The following CCSER1 variants were observed in gnomAD, a reference collection of about 807,000 sequenced individuals.
CCSER1 encodes coiled-coil serine rich protein 1.
A neutral mutation model predicts 82.0 loss-of-function variants in CCSER1; 41 were observed. The observed-to-expected ratio is 0.50, with a 90% confidence interval of 0.39 to 0.65. The LOEUF is 0.65. Ranked by LOEUF, CCSER1 falls within the 30% of genes least tolerant of loss-of-function variation. The probability of loss-of-function intolerance (pLI) is 0.00; values close to 1 mark genes in which losing one functional copy is unlikely to be tolerated. For missense variants in CCSER1, 1,119 were observed against 1,064.2 expected, an observed-to-expected ratio of 1.05 and a Z score of -0.72; for synonymous variants, 414 against 383.9, an observed-to-expected ratio of 1.08 and a Z score of -0.92.
At chr4:90,734,168 C>T (rs1420902339) in intron 7 of CCSER1, among the ~76,000 whole-genome samples, 1 of 151,616 alleles carries the variant, frequency 6.6e-6, no homozygotes, top group East Asian at 1.9e-4. Context: ...CTTTGTCGCC[C>T]AGGCTGGAGT....
intron 6 of CCSER1, chr4:90,642,387 A>T (rs1196897140): frequency 6.6e-6 from 1 of 152,384 alleles, no homozygotes; most frequent in African/African-American, 2.4e-5. Flanking sequence ...AAAGTGTTTC[A>T]GAATCTAGTG....
In CCSER1 at chr4:90,708,217, G is replaced by A. The variant is rs75585297; in HGVS notation, c.1933-15697G>A. Among the ~76,000 whole-genome samples, 1,134 of 152,230 alleles carry A rather than the reference G, an allele frequency of 7.4e-3. 26 individuals carry two copies. The East Asian group carries it at 0.085, about 11-fold the overall frequency. On this transcript the variant is annotated intron_variant, in intron 6 of 10. Coordinates refer to ENST00000509176, the MANE Select transcript of CCSER1 (RefSeq NM_001145065.2). The stretch of plus-strand genomic sequence containing the variant: ...ATATAAAAATAGCGTCATGCCTGAG[G>A]GAAAAGCCTCCATAAGCTTCAGACA...
At chr4:90,546,259 G>A (rs952439140) in intron 5 of CCSER1, among the ~76,000 whole-genome samples, 13 of 152,136 alleles carry the variant, frequency 8.5e-5, no homozygotes, top group African/African-American at 2.9e-4. Context: ...CCTGGGAAGA[G>A]TAAGTCCTCA....
intron 1 of CCSER1, among the ~76,000 whole-genome samples, chr4:90,176,690 A>T (rs1259973027): frequency 6.6e-6 from 1 of 152,008 alleles, no homozygotes; most frequent in Non-Finnish European, 1.5e-5. Flanking sequence ...AGTATTATTG[A>T]TAGTGTGATA....
chr4:90,233,047 A>G (rs1413127781), intron 1 of CCSER1, among the ~76,000 whole-genome samples: 1 of 152,010 alleles, frequency 6.6e-6, no homozygotes, highest in Non-Finnish European at 1.5e-5. Flanking sequence ...TAGTTCAACC[A>G]TTGTGGAAGT....
At chr4:90,466,744 TTCTC>T (rs776300947) in intron 4 of CCSER1, among the ~76,000 whole-genome samples, 1 of 152,204 alleles carries the variant, frequency 6.6e-6, no homozygotes, top group Non-Finnish European at 1.5e-5. Flanking sequence ...CTGAAACTCT[TTCTC>T]TATTGTTGGT....
At chr4:90,875,073 C>G (rs967899691) in intron 8 of CCSER1, among the ~76,000 whole-genome samples, 6 of 151,900 alleles carry the variant, frequency 3.9e-5, no homozygotes, top group African/African-American at 1.5e-4. Context: ...ACAACAACAG[C>G]AAGAACAACA....
chr4:91,485,154 A>G (rs1023414789), intron 10 of CCSER1, among the ~76,000 whole-genome samples: 1 of 152,074 alleles, frequency 6.6e-6, no homozygotes, highest in Non-Finnish European at 1.5e-5. Flanking sequence ...TTGGTATGAA[A>G]CAGTAAAAAA....
At chr4:91,093,018 C>G (rs1186395051) in intron 10 of CCSER1, among the ~76,000 whole-genome samples, 1 of 152,042 alleles carries the variant, frequency 6.6e-6, no homozygotes, top group East Asian at 1.9e-4. Context: ...AGGCCTTTTT[C>G]TTTATATAAT....
chr4:91,590,602 A>ATGAT (rs1436484974), intron 10 of CCSER1, among the ~76,000 whole-genome samples: 1 of 152,140 alleles, frequency 6.6e-6, no homozygotes, highest in African/African-American at 2.4e-5. Context: ...TGGCCCTTTA[A>ATGAT]TGATTGTACT....
chr4:90,739,834 T>C (rs1409143816), intron 7 of CCSER1, among the ~76,000 whole-genome samples: 1 of 152,192 alleles, frequency 6.6e-6, no homozygotes, highest in African/African-American at 2.4e-5. Context: ...TGACTACTGC[T>C]AGGAATAGGG....
chr4:91,463,883 G>A (rs1311975508), intron 10 of CCSER1, among the ~76,000 whole-genome samples: 1 of 152,192 alleles, frequency 6.6e-6, no homozygotes, highest in East Asian at 1.9e-4. Flanking sequence ...TCTGATTGGT[G>A]TACCTGAAAG....
intron 3 of CCSER1, 49 bp from the exon 4 acceptor site, chr4:90,399,987 A>G (rs761080980): frequency 9.6e-7 from 1 of 1,043,450 alleles, no homozygotes; most frequent in East Asian, 2.4e-5. Flanking sequence ...GTATTTCCTC[A>G]TTTACTCAGT....
In CCSER1 at chr4:91,273,987, G is replaced by GA. The variant is rs559972599; in HGVS notation, c.2217+188000dup. On this transcript the variant is annotated intron_variant, in intron 10 of 10. Transcript: ENST00000509176. ...GTCACTCCAACACAAGTATCACTTG[G>GA]AAAAAAATAGTTAGGTTAACTCTCC... Among the ~76,000 whole-genome samples, 7 of 151,922 alleles carry GA rather than the reference G, an allele frequency of 4.6e-5. No individual in the cohort carries two copies. In the South Asian group the frequency reaches 1.5e-3, roughly 32 times the overall value.
At chr4:91,375,882 T>G (rs1750377113) in intron 10 of CCSER1, among the ~76,000 whole-genome samples, 1 of 152,124 alleles carries the variant, frequency 6.6e-6, no homozygotes, top group Admixed American at 6.6e-5. Context: ...AATATTGCAT[T>G]ATACCTCATT....
rs1025090735 is a variant in CCSER1 at position 91,363,444 on chromosome 4, CT to C, written c.2218-235127del. ...TAAAATATGAAGATGCCAACAACAG[CT>C]AAGGAAAAAACTGTTGAAACAGCTG... On this transcript the variant is annotated intron_variant, in intron 10 of 10. Coordinates refer to ENST00000509176, the MANE Select transcript of CCSER1 (RefSeq NM_001145065.2). 2.0e-5 allele frequency among the ~76,000 whole-genome samples: 3 copies of C among 150,244 alleles called. No homozygotes were observed. The Admixed American group carries it at 2.0e-4, about 10-fold the overall frequency.
intron 10 of CCSER1, among the ~76,000 whole-genome samples, chr4:91,353,624 T>C (rs1748628950): frequency 6.6e-6 from 1 of 152,188 alleles, no homozygotes; most frequent in East Asian, 1.9e-4. Context: ...CTCTCACTTT[T>C]TATTAGTGGG....
At chr4:90,999,879 GTTTTT>G (rs33987640) in intron 9 of CCSER1, among the ~76,000 whole-genome samples, 39,155 of 137,496 alleles carry the variant, frequency 0.28, 6,470 homozygotes, top group East Asian at 0.4. Context: ...TGTTTCTGAG[GTTTTT>G]TTTTTTTTTT....
intron 5 of CCSER1, among the ~76,000 whole-genome samples, chr4:90,519,024 G>T (rs1772699138): frequency 6.6e-6 from 1 of 151,762 alleles, no homozygotes; most frequent in Non-Finnish European, 1.5e-5. Flanking sequence ...TGAAATATTT[G>T]CTTGGAGTAT....
Sources: gnomAD v4.1 joint callset for allele counts (sites outside exome capture counted in the v4.1 genomes callset) on GRCh38, gnomAD v4.1.1 for gene constraint, MANE v1.5 for transcripts, NCBI Gene and HGNC (gene_info 2026-07-23, HGNC 2026-07-21) for gene names.